Variants in DLGAP1 observed in about 807,000 individuals in gnomAD.
DLGAP1 encodes disks large-associated protein 1.
Under a neutral mutation model 90.8 loss-of-function variants are expected in DLGAP1, and 11 were observed. That is an observed-to-expected ratio of 0.12 (90% CI 0.08 to 0.20). The LOEUF (loss-of-function observed/expected upper bound fraction) is 0.20. DLGAP1 is among the 10% of genes least tolerant of loss of function. DLGAP1 has a pLI of 1.00. For synonymous variants in DLGAP1, 558 were observed against 540.7 expected (o/e 1.03, Z -0.44); for missense variants, 1,050 against 1,333.8 (o/e 0.79, Z 3.31).
chr18:4,196,793 A>G (rs1278134165), intron 1 of DLGAP1, among the ~76,000 whole-genome samples: 1 of 152,244 alleles, frequency 6.6e-6, no homozygotes, highest in Non-Finnish European at 1.5e-5. Flanking sequence ...AGAGTGTTGT[A>G]TATGTACACA....
chr18:3,632,886 G>C (rs1940249705), intron 7 of DLGAP1, among the ~76,000 whole-genome samples: 1 of 152,160 alleles, frequency 6.6e-6, no homozygotes, highest in South Asian at 2.1e-4. Flanking sequence ...CTCATGAATG[G>C]ATAACCCCCA....
Position 4,010,577 on chromosome 18 carries a change from G to T in DLGAP1, c.-158-5376C>A, listed in dbSNP as rs185581385. On this transcript the variant is annotated intron_variant, in intron 2 of 12. Coordinates refer to ENST00000315677, the MANE Select transcript of DLGAP1 (RefSeq NM_004746.4). ...AATAAACAAAATTTAAAAAGATAAAGAATCATGAGAATGAAGCATTTGAGG... is the reference window on the plus strand; with the variant it reads ...AATAAACAAAATTTAAAAAGATAAATAATCATGAGAATGAAGCATTTGAGG... Among the ~76,000 whole-genome samples, 18 of 152,098 alleles carry T rather than the reference G, an allele frequency of 1.2e-4. No individual in the cohort carries two copies. In the East Asian group the frequency reaches 2.9e-3, roughly 24 times the overall value.
rs12607044 is a variant in DLGAP1 at position 4,210,544 on chromosome 18, C to T, written c.-266-59257G>A. On this transcript the variant is annotated intron_variant, in intron 1 of 12. Transcript: ENST00000315677. ...AACAGACTTTTTCACATGATTCTTA[C>T]TGCCTTGATTGATTCAATATTTACT... Among the ~76,000 whole-genome samples, 123 of 152,238 alleles carry T rather than the reference C, an allele frequency of 8.1e-4. 3 individuals are homozygous for T. The East Asian group carries it at 0.02, about 25-fold the overall frequency.
At chr18:4,221,674 C>A (rs753701581) in intron 1 of DLGAP1, among the ~76,000 whole-genome samples, 11 of 152,112 alleles carry the variant, frequency 7.2e-5, no homozygotes, top group Non-Finnish European at 1.5e-4. Context: ...CAAAATCAAC[C>A]CTTGCAATAG....
At chr18:3,680,226 G>A (rs913557179) in intron 7 of DLGAP1, 2 of 152,170 alleles carry the variant, frequency 1.3e-5, no homozygotes, top group African/African-American at 2.4e-5. Context: ...AGAAGGGAGC[G>A]AAACAAAACC....
At chr18:4,139,419 T>C (rs2144292656) in intron 2 of DLGAP1, among the ~76,000 whole-genome samples, 1 of 152,132 alleles carries the variant, frequency 6.6e-6, no homozygotes, top group Non-Finnish European at 1.5e-5. Flanking sequence ...TACATGTCTT[T>C]GCATAGTTTC....
At chr18:4,087,907 T>C (rs912823713) in intron 2 of DLGAP1, among the ~76,000 whole-genome samples, 5 of 152,170 alleles carry the variant, frequency 3.3e-5, no homozygotes, top group African/African-American at 2.4e-5. Flanking sequence ...GTTGAGACCA[T>C]TGACATCTGT....
chr18:4,276,406 C>T (rs2145398459), intron 1 of DLGAP1, among the ~76,000 whole-genome samples: 1 of 151,960 alleles, frequency 6.6e-6, no homozygotes, highest in Non-Finnish European at 1.5e-5. Flanking sequence ...GAGGCTGAGG[C>T]AGGCGGATCA....
chr18:3,850,193 T>C (rs936727710), intron 4 of DLGAP1, among the ~76,000 whole-genome samples: 16 of 151,936 alleles, frequency 1.1e-4, no homozygotes, highest in African/African-American at 3.6e-4. Flanking sequence ...GTGGTGAAAC[T>C]AACAAGACAA....
chr18:4,197,195 A>AAAAAAAAAAAAAAG (rs1229870630), intron 1 of DLGAP1, among the ~76,000 whole-genome samples: 1 of 149,952 alleles, frequency 6.7e-6, no homozygotes, highest in Non-Finnish European at 1.5e-5. Flanking sequence ...AAGTAAAAAA[A>AAAAAAAAAAAAAAG]AAAAAAAAAA....
intron 3 of DLGAP1, among the ~76,000 whole-genome samples, chr18:3,901,642 A>G (rs935402764): frequency 7.9e-5 from 12 of 152,074 alleles, no homozygotes; most frequent in African/African-American, 2.4e-4. Flanking sequence ...CATGGGTGGC[A>G]ATATTTTACC....
intron 7 of DLGAP1, among the ~76,000 whole-genome samples, chr18:3,633,182 G>T (rs946797119): frequency 6.6e-6 from 1 of 152,074 alleles, no homozygotes; most frequent in Non-Finnish European, 1.5e-5. Context: ...CAAATCATTC[G>T]GTCAAGACAT....
chr18:4,281,395 AT>A (rs1465222946), intron 1 of DLGAP1, among the ~76,000 whole-genome samples: 1 of 152,158 alleles, frequency 6.6e-6, no homozygotes, highest in African/African-American at 2.4e-5. Flanking sequence ...TACTAAAAAA[AT>A]ACAAAAACTT....
chr18:3,559,569 T>C (rs901355689), intron 9 of DLGAP1, among the ~76,000 whole-genome samples: 1 of 151,838 alleles, frequency 6.6e-6, no homozygotes, highest in Non-Finnish European at 1.5e-5. Flanking sequence ...CTCTTTTTAG[T>C]GGTTACCCTA....
At chr18:3,830,997 C>T (rs977374873) in intron 4 of DLGAP1, among the ~76,000 whole-genome samples, 1 of 152,222 alleles carries the variant, frequency 6.6e-6, no homozygotes, top group African/African-American at 2.4e-5. Context: ...CCAGATTTTC[C>T]TCTACCAAGG....
intron 1 of DLGAP1, among the ~76,000 whole-genome samples, chr18:4,202,556 G>A (rs2077628197): frequency 2.0e-5 from 3 of 152,168 alleles, no homozygotes; most frequent in African/African-American, 7.2e-5. Context: ...GAAATCAACA[G>A]TGATAAAACC....
At chr18:4,230,729 C>T (rs1401417432) in intron 1 of DLGAP1, among the ~76,000 whole-genome samples, 1 of 148,854 alleles carries the variant, frequency 6.7e-6, no homozygotes, top group Non-Finnish European at 1.5e-5. Context: ...AGGGTGACTA[C>T]AGTCAATAAT....
chr18:4,007,954 G>T lies in DLGAP1; in HGVS notation c.-158-2753C>A, dbSNP rs554086143. Among the ~76,000 whole-genome samples the T allele has an allele frequency of 2.6e-5, 4 of 152,122 alleles. No individual in the cohort carries two copies. The East Asian group carries it at 5.8e-4, about 22-fold the overall frequency. On this transcript the variant is annotated intron_variant, in intron 2 of 12. Transcript: ENST00000315677. ...TTTGCAGCTTCTTTTTCTGTCAATGGCAAGCTAAAAACCCACATTTGGAAA... is the reference window on the plus strand; with the variant it reads ...TTTGCAGCTTCTTTTTCTGTCAATGTCAAGCTAAAAACCCACATTTGGAAA...
intron 1 of DLGAP1, among the ~76,000 whole-genome samples, chr18:4,302,904 TAGAGTTTCC>T (rs2080161387): frequency 6.6e-6 from 1 of 152,216 alleles, no homozygotes. Context: ...CTTAATATTT[TAGAGTTTCC>T]AGTGTTTATT....
Sources: gnomAD v4.1 joint callset for allele counts (sites outside exome capture counted in the v4.1 genomes callset) on GRCh38, gnomAD v4.1.1 for gene constraint, MANE v1.5 for transcripts, NCBI Gene and HGNC (gene_info 2026-07-23, HGNC 2026-07-21) for gene names.